Variants in LCT observed in about 807,000 individuals in gnomAD.
LCT encodes lactase/phlorizin hydrolase.
In LCT, 90 loss-of-function variants were observed where a neutral mutation model predicts 173.0. The ratio of observed to expected loss-of-function variants is 0.52; its 90% CI spans 0.44 to 0.62. The LOEUF is 0.62. LCT is among the 20% of genes least tolerant of loss of function. LCT has a pLI of 0.00. For synonymous variants in LCT, 853 were observed against 957.6 expected (o/e 0.89, Z 2.02); for missense variants, 1,864 against 2,431.4 (o/e 0.77, Z 4.91).
chr2:135,801,762 T>C (rs1296658586), intron 11 of LCT, among the ~76,000 whole-genome samples: 1 of 151,660 alleles, frequency 6.6e-6, no homozygotes, highest in African/African-American at 2.4e-5. Context: ...TTAGTAGAGG[T>C]GGAGTTTCAC....
At position 135,809,689 on chromosome 2, in the gene LCT, C is replaced by G. The variant is rs769460318; in HGVS notation, c.2658G>C (p.Lys886Asn). The G allele has an allele frequency of 5.6e-6, 9 of 1,614,252 alleles. No homozygotes were observed. The South Asian group carries it at 9.9e-5, about 18-fold the overall frequency. The change falls in exon 8 of 17, where the codon AAG becomes AAC. Residue 886 changes from lysine to asparagine, a missense_variant. Transcript: ENST00000264162. The surrounding 1 kb of genome is among the most constrained non-coding windows in gnomAD (Gnocchi z 5.5). The stretch of plus-strand genomic sequence containing the variant: ...TTTCGAACTTGGGTTGGCTGGAGAA[C>G]TTTTCCCAAACGACTTTAGCCTTGG... ...VPSKAKVVWE[K>N]FSSQPKFERD...
At chr2:135,804,648 C>T in intron 10 of LCT, 119 bp downstream of exon 10, 1 of 1,025,746 alleles carries the variant, frequency 9.7e-7, no homozygotes, top group African/African-American at 1.6e-5. Flanking sequence ...TCAAAAACAA[C>T]AATAACAACA....
chr2:135,809,462 T>C lies in LCT; in HGVS notation c.2885A>G (p.Asp962Gly). ...CTTCAAAGCTCGGAGCATATTCAGA[T>C]CGGCATCCAGCTGGTGATAGCTGTC... Reference protein sequence around the residue: ...ACDSYHQLDADLNMLRALKVK... With the variant: ...ACDSYHQLDAGLNMLRALKVK... The change falls in exon 8 of 17, where the codon GAT becomes GGT. Residue 962 changes from aspartate to glycine, a missense_variant. Around this residue, in one of 4 missense-constraint regions of LCT, gnomAD observed 755 missense variants for 926.3 expected, o/e 0.82. Coordinates refer to ENST00000264162, the MANE Select transcript of LCT (RefSeq NM_002299.4). The surrounding 1 kb of genome is among the most constrained non-coding windows in gnomAD (Gnocchi z 5.5). The C allele has an allele frequency of 6.2e-7, 1 of 1,614,222 alleles. No individual in the cohort carries two copies. Among genetic ancestry groups the C allele is most frequent in the Non-Finnish European group, 8.5e-7 (1 of 1,180,040 alleles).
chr2:135,824,787 G>A (rs2077870281), intron 3 of LCT, among the ~76,000 whole-genome samples: 1 of 152,068 alleles, frequency 6.6e-6, no homozygotes, highest in African/African-American at 2.4e-5. Context: ...CGGATCACCT[G>A]AGGTCAGGAG....
rs1575334525 is a variant in LCT, at chr2:135,800,819, T to C, written c.4664-10A>G. On this transcript the variant is annotated splice_polypyrimidine_tract_variant and intron_variant, in intron 11 of 16. Coordinates refer to ENST00000264162, the MANE Select transcript of LCT (RefSeq NM_002299.4). ...GGCCTATTGGAGACTCCTGGAAACA[T>C]ACACATGGATGTCAACAGAGAATGG... 3 of 1,597,764 alleles carry C rather than the reference T, an allele frequency of 1.9e-6. No individual in the cohort carries two copies. The highest frequency in any genetic ancestry group is 1.3e-5 in the African/African-American group (1 of 74,658).
rs538543499 is a variant in LCT at position 135,808,520 on chromosome 2, A to G, written c.3827T>C (p.Val1276Ala). The G allele has an allele frequency of 7.9e-5, 128 of 1,613,852 alleles. No individual in the cohort carries two copies. The South Asian group carries it at 1.3e-3, about 16-fold the overall frequency. The change falls in exon 8 of 17, where the codon GTG becomes GCG. Residue 1276 changes from valine to alanine, a missense_variant. Around this residue, in one of 4 missense-constraint regions of LCT, gnomAD observed 755 missense variants for 926.3 expected, o/e 0.82. Coordinates refer to ENST00000264162, the MANE Select transcript of LCT (RefSeq NM_002299.4). ...CTCCGTGTTCGGATTGGTCAGCCCC[A>G]CTCCGTTTTCGGTGATGTAAATGGG... is the stretch of plus-strand genomic sequence containing the variant. Reference protein sequence around the residue: ...DIPIYITENGVGLTNPNTEDT... With the variant: ...DIPIYITENGAGLTNPNTEDT...
At chr2:135,824,141 AG>A in intron 3 of LCT, 138 bp from the exon 4 acceptor site, 1 of 706,654 alleles carries the variant, frequency 1.4e-6, no homozygotes, top group South Asian at 1.5e-5. Flanking sequence ...AGTTAATTAA[AG>A]GAGTCAACTC....
chr2:135,825,910 A>T (rs1198703095), intron 3 of LCT, among the ~76,000 whole-genome samples: 1 of 152,210 alleles, frequency 6.6e-6, no homozygotes, highest in African/African-American at 2.4e-5. Flanking sequence ...GGTGGGCAGC[A>T]CGATTCAGGC....
chr2:135,825,350 A>G (rs1326908234), intron 3 of LCT, among the ~76,000 whole-genome samples: 3 of 152,208 alleles, frequency 2.0e-5, no homozygotes, highest in South Asian at 4.1e-4. Flanking sequence ...ATGACTGCGC[A>G]GTTAGTGGAG....
In LCT at chr2:135,817,639, C is replaced by T. The variant is rs1477422745; in HGVS notation, c.1409G>A (p.Ser470Asn). The change falls in exon 6 of 17, where the codon AGC becomes AAC. Residue 470 changes from serine (S) to asparagine (N), a missense_variant. Coordinates refer to ENST00000264162, the MANE Select transcript of LCT (RefSeq NM_002299.4). Reference protein sequence around the residue: ...IFPMGHGSSPSLPGVAYYNKL... With the variant: ...IFPMGHGSSPNLPGVAYYNKL... ...GTTGTAGTAGGCAACGCCTGGGAGG[C>T]TGGGGCTGCTCCCGTGCCCCATGGG... 2 of 1,613,906 alleles carry T rather than the reference C, an allele frequency of 1.2e-6. No individual in the cohort carries two copies. Among genetic ancestry groups the T allele is most frequent in the East Asian group, 4.5e-5 (2 of 44,864 alleles).
At chr2:135,792,373 A>G (rs2077539483) in intron 14 of LCT, among the ~76,000 whole-genome samples, 1 of 152,188 alleles carries the variant, frequency 6.6e-6, no homozygotes, top group African/African-American at 2.4e-5. Flanking sequence ...TTTCAACTAG[A>G]AGCATGAATT....
chr2:135,807,532 C>G, intron 8 of LCT, 136 bp from the exon 9 acceptor site: 2 of 795,002 alleles, frequency 2.5e-6, no homozygotes, highest in African/African-American at 1.7e-5. Context: ...ACCAACAGAT[C>G]ATCTGTTGAT....
intron 16 of LCT, among the ~76,000 whole-genome samples, chr2:135,789,277 G>A (rs1481894077): frequency 6.6e-6 from 1 of 152,206 alleles, no homozygotes; most frequent in Admixed American, 6.5e-5. Context: ...GCATGTGCCT[G>A]GTTTCTTATC....
At chr2:135,836,110 C>A (rs1478060959) in intron 1 of LCT, among the ~76,000 whole-genome samples, 4 of 150,658 alleles carry the variant, frequency 2.7e-5, no homozygotes, top group African/African-American at 9.8e-5. Flanking sequence ...CATCTGCCTC[C>A]TGGGTTCAAG....
intron 5 of LCT, among the ~76,000 whole-genome samples, chr2:135,821,178 G>A (rs1268360972): frequency 3.9e-5 from 6 of 152,144 alleles, no homozygotes; most frequent in Non-Finnish European, 7.3e-5. Flanking sequence ...ACCGTGCCCG[G>A]CAATCTGCTC....
intron 12 of LCT, 34 bp downstream of exon 12, chr2:135,800,573 A>C: frequency 6.5e-7 from 1 of 1,527,682 alleles, no homozygotes; most frequent in Non-Finnish European, 9.1e-7. Context: ...AAGATGGACA[A>C]GAGTAAGAAC....
chr2:135,793,838 G>T (rs1464831826), intron 14 of LCT, among the ~76,000 whole-genome samples: 1 of 152,132 alleles, frequency 6.6e-6, no homozygotes, highest in East Asian at 1.9e-4. Flanking sequence ...GGAGGCCAAG[G>T]CAAGGGGATC....
chr2:135,827,664 C>T lies in LCT; in HGVS notation c.804+1929G>A, dbSNP rs529365367. On this transcript the variant is annotated intron_variant, in intron 3 of 16. Coordinates refer to ENST00000264162, the MANE Select transcript of LCT (RefSeq NM_002299.4). ...TAAGGAGCACGCAACCTGGATCCCT[C>T]GCATGCGCAGTTCACAATAGGGTTT... 9.2e-5 allele frequency among the ~76,000 whole-genome samples: 14 copies of T among 152,254 alleles called. No individual in the cohort carries two copies. The East Asian group carries it at 2.5e-3, about 27-fold the overall frequency.
chr2:135,813,834 G>A (rs945815396), intron 6 of LCT, among the ~76,000 whole-genome samples: 1 of 152,112 alleles, frequency 6.6e-6, no homozygotes, highest in Non-Finnish European at 1.5e-5. Flanking sequence ...ATGGAATCTC[G>A]GAAGAAAAAC....
Sources: gnomAD v4.1 joint callset for allele counts (sites outside exome capture counted in the v4.1 genomes callset) on GRCh38, gnomAD v4.1.1 for gene constraint, gnomAD v4.1.1 regional missense constraint, Gnocchi (gnomAD v3.1) non-coding constraint, MANE v1.5 for transcripts, NCBI Gene and HGNC (gene_info 2026-07-23, HGNC 2026-07-21) for gene names.